DNAJC13: variants seen among roughly 807,000 people sequenced by gnomAD.
DNAJC13 encodes the protein dnaJ homolog subfamily C member 13.
Under a neutral mutation model 290.5 loss-of-function variants are expected in DNAJC13, and 75 were observed. The observed-to-expected ratio is 0.26, with a 90% CI of 0.21 to 0.31. The LOEUF (loss-of-function observed/expected upper bound fraction) is 0.31. DNAJC13 is among the 10% of genes least tolerant of loss of function. The probability of loss-of-function intolerance (pLI) is 1.00; values close to 1 mark genes in which losing one functional copy is unlikely to be tolerated. For missense variants in DNAJC13, 2,260 were observed against 2,674.5 expected, an observed-to-expected ratio of 0.85 and a Z score of 3.42; for synonymous variants, 862 against 892.0, an observed-to-expected ratio of 0.97 and a Z score of 0.60.
At chr3:132,438,899 G>T (rs1446437520) in intron 2 of DNAJC13, among the ~76,000 whole-genome samples, 2 of 152,108 alleles carry the variant, frequency 1.3e-5, no homozygotes, top group Non-Finnish European at 2.9e-5. Flanking sequence ...GATTCAGGGG[G>T]GAAAAGGCAC....
rs1936235869 is a variant in DNAJC13, at chr3:132,525,756, C to T, written c.6207C>T (p.Ala2069=). Residue 2069 remains alanine, a synonymous_variant, in exon 52 of 56, where the codon GCC becomes GCT. Transcript: ENST00000260818. Reference sequence around the variant, plus strand: ...GGAACAATGCCATTCCTAAGAGTGCCATTCGGGTTATCCATGCCTTGTCTG... The same window carrying T: ...GGAACAATGCCATTCCTAAGAGTGCTATTCGGGTTATCCATGCCTTGTCTG... ...NHRNNAIPKS[A]IRVIHALSEN... is the part of the protein sequence containing the mutation. The T allele has an allele frequency of 1.9e-6, 3 of 1,614,144 alleles. No individual in the cohort carries two copies. Among genetic ancestry groups the T allele is most frequent in the Non-Finnish European group, 2.5e-6 (3 of 1,179,996 alleles).
chr3:132,491,013 A>C lies in DNAJC13; in HGVS notation c.3585A>C (p.Glu1195Asp). ...PEKFSEIFLGEFDTPEAIWSS... is the reference protein window; with the variant it reads ...PEKFSEIFLGDFDTPEAIWSS... ...AGTTTTCTGAGATTTTTCTAGGAGA[A>C]TTTGATACTCCAGAAGCAATCTGGA... is the stretch of plus-strand genomic sequence containing the variant. Residue 1195 changes from glutamate (E) to aspartate (D), a missense_variant, in exon 32 of 56, where the codon GAA becomes GAC. Around this residue, in one of 3 missense-constraint regions of DNAJC13, gnomAD observed 1,494 missense variants for 1,693.7 expected, o/e 0.88. Transcript: ENST00000260818. The C allele has an allele frequency of 6.2e-7, 1 of 1,612,660 alleles. No individual in the cohort carries two copies. The highest frequency in any genetic ancestry group is 1.1e-5 in the South Asian group (1 of 90,818).
At chr3:132,510,759 AT>A (rs1457472308) in intron 43 of DNAJC13, among the ~76,000 whole-genome samples, 11 of 152,292 alleles carry the variant, frequency 7.2e-5, no homozygotes, top group African/African-American at 2.2e-4. Context: ...AATTATAAAA[AT>A]ATAACCAAAT....
At chr3:132,524,518 T>C (rs1936190894) in intron 51 of DNAJC13, among the ~76,000 whole-genome samples, 1 of 152,246 alleles carries the variant, frequency 6.6e-6, no homozygotes. Flanking sequence ...GATGAGTTAA[T>C]ACATATATAG....
chr3:132,468,409 T>C (rs1031344417), intron 20 of DNAJC13, among the ~76,000 whole-genome samples: 5 of 152,230 alleles, frequency 3.3e-5, no homozygotes, highest in African/African-American at 1.2e-4. Context: ...TATTATAGTC[T>C]TGTGTATCTA....
intron 4 of DNAJC13, 134 bp from the exon 5 acceptor site, chr3:132,447,764 A>G (rs1933299109): frequency 1.3e-6 from 1 of 741,568 alleles, no homozygotes; most frequent in African/African-American, 1.8e-5. Flanking sequence ...ATATTCTTAA[A>G]CTATAACTTG....
intron 49 of DNAJC13, 80 bp downstream of exon 49, chr3:132,523,077 C>G (rs996044161): frequency 7.5e-6 from 12 of 1,603,746 alleles, no homozygotes; most frequent in Non-Finnish European, 1.0e-5. Flanking sequence ...CTGTGCCCAT[C>G]ACCTCTAAAA....
In DNAJC13 at chr3:132,500,854, A is replaced by G. The variant is rs1156509493; in HGVS notation, c.4477A>G (p.Lys1493Glu). The change falls in exon 39 of 56, where the codon AAG (lysine) becomes GAG (glutamate). Residue 1493 changes from lysine to glutamate, a missense_variant. Lys to Glu is a moderately conservative substitution (Grantham distance 56). Coordinates refer to ENST00000260818, the MANE Select transcript of DNAJC13 (RefSeq NM_015268.4). ...VAAQFEECRE[K>E]ITEMPSIIKD... ...TGCTCAGTTTGAGGAATGCCGAGAGAAGATCACGGAAATGCCTAGCATCAT... is the reference window on the plus strand; with the variant it reads ...TGCTCAGTTTGAGGAATGCCGAGAGGAGATCACGGAAATGCCTAGCATCAT... 1 of 1,614,086 alleles carries G rather than the reference A, an allele frequency of 6.2e-7. No homozygotes were observed. Among genetic ancestry groups the G allele is most frequent in the Non-Finnish European group, 8.5e-7 (1 of 1,179,962 alleles).
At chr3:132,435,377 G>T (rs141975770) in intron 2 of DNAJC13, among the ~76,000 whole-genome samples, 5 of 152,118 alleles carry the variant, frequency 3.3e-5, no homozygotes, top group African/African-American at 1.2e-4. Flanking sequence ...ATTCTGAATC[G>T]TGCCACAAGG....
intron 54 of DNAJC13, among the ~76,000 whole-genome samples, chr3:132,530,311 C>T (rs1936380367): frequency 6.6e-6 from 1 of 152,120 alleles, no homozygotes. Context: ...AAGAGGTGCT[C>T]AGTAAATACT....
chr3:132,484,780 C>G, intron 29 of DNAJC13, 108 bp downstream of exon 29: 1 of 1,025,982 alleles, frequency 9.7e-7, no homozygotes. Context: ...TTCAAAAAGC[C>G]TAAATAGGCC....
At chr3:132,443,912 G>A (rs1933154551) in intron 2 of DNAJC13, among the ~76,000 whole-genome samples, 1 of 152,158 alleles carries the variant, frequency 6.6e-6, no homozygotes, top group African/African-American at 2.4e-5. Context: ...TATGGTAGCC[G>A]CTAACTACAT....
chr3:132,418,830 C>T (rs564612462), intron 1 of DNAJC13, among the ~76,000 whole-genome samples: 1 of 152,256 alleles, frequency 6.6e-6, no homozygotes, highest in East Asian at 1.9e-4. Context: ...AAACTACTGC[C>T]TGCAGGGAAA....
At chr3:132,513,137 A>C (rs776700222) in intron 45 of DNAJC13, 38 bp downstream of exon 45, 2 of 1,498,890 alleles carry the variant, frequency 1.3e-6, no homozygotes, top group South Asian at 2.3e-5. Context: ...TGCCTTTCCT[A>C]CCACTTACCA....
In DNAJC13 at chr3:132,456,697, A is replaced by T. The variant is rs747402113; in HGVS notation, c.1214A>T (p.Asn405Ile). 1 of 1,614,002 alleles carries T rather than the reference A, an allele frequency of 6.2e-7. No individual in the cohort carries two copies. Among genetic ancestry groups the T allele is most frequent in the Non-Finnish European group, 8.5e-7 (1 of 1,179,890 alleles). The change falls in exon 12 of 56, where the codon AAT becomes ATT. Residue 405 changes from asparagine (N) to isoleucine (I), a missense_variant. Coordinates refer to ENST00000260818, the MANE Select transcript of DNAJC13 (RefSeq NM_015268.4). Reference sequence around the variant, plus strand: ...TCAGAAAACAAAGAAAAACTGATCAATAATGCCATAACAGCATTACTGTCC... The same window carrying T: ...TCAGAAAACAAAGAAAAACTGATCATTAATGCCATAACAGCATTACTGTCC... ...LFSENKEKLI[N>I]NAITALLSQE... is the part of the protein sequence containing the mutation.
chr3:132,438,772 A>G (rs1020203557), intron 2 of DNAJC13, among the ~76,000 whole-genome samples: 3 of 152,192 alleles, frequency 2.0e-5, no homozygotes, highest in Non-Finnish European at 2.9e-5. Flanking sequence ...TCTGTTGATC[A>G]TCGGTATGGA....
rs1180651951 is a variant in DNAJC13, at chr3:132,533,333, CTTT to C, written c.6625+2254_6625+2256del. Among the ~76,000 whole-genome samples, 677 of 115,680 alleles carry C rather than the reference CTTT, an allele frequency of 5.9e-3. 7 individuals carry two copies. The highest frequency in any genetic ancestry group is 0.034 in the East Asian group (132 of 3,888). 75.9% of individuals were successfully genotyped at this position (115,680 alleles called of 152,430 possible). A position where few individuals can be genotyped will look rare whatever the true frequency, so the allele number is the denominator to read the frequency against. ...AGGCGTGAGCCAGCATGCCCGCCCT[CTTT>C]TTTTTTTTTTTTTTTTTGAGACAGA... is the stretch of plus-strand genomic sequence containing the variant. On this transcript the variant is annotated intron_variant, in intron 55 of 55. Coordinates refer to ENST00000260818, the MANE Select transcript of DNAJC13 (RefSeq NM_015268.4).
intron 13 of DNAJC13, chr3:132,457,594 G>A (rs1933655237): frequency 2.1e-6 from 1 of 465,392 alleles, no homozygotes; most frequent in Non-Finnish European, 3.9e-6. Flanking sequence ...TCCTCACTTT[G>A]TTGACAGTCT....
chr3:132,532,538 T>TA (rs1421814494), intron 55 of DNAJC13, among the ~76,000 whole-genome samples: 1 of 152,160 alleles, frequency 6.6e-6, no homozygotes, highest in Non-Finnish European at 1.5e-5. Context: ...TAGACTGTGT[T>TA]CTCAGTCTGT....
Sources: gnomAD v4.1 joint callset for allele counts (sites outside exome capture counted in the v4.1 genomes callset) on GRCh38, gnomAD v4.1.1 for gene constraint, gnomAD v4.1.1 regional missense constraint, MANE v1.5 for transcripts, NCBI Gene and HGNC (gene_info 2026-07-23, HGNC 2026-07-21) for gene names.